Variants in TAS2R1 observed in about 807,000 individuals in gnomAD.
TAS2R1 encodes the protein taste receptor type 2 member 1.
For synonymous variants in TAS2R1, 141 were observed against 134.2 expected (o/e 1.05, Z -0.35); for missense variants, 370 against 353.4 (o/e 1.05, Z -0.38).
At chr5:9,835,835 C>T in the TAS2R1 span, among the ~76,000 whole-genome samples, 7 of 152,176 alleles carry the variant, frequency 4.6e-5, no homozygotes, top group African/African-American at 1.4e-4. Context: ...TGCCTTGATC[C>T]CAGGGTGGCT....
At chr5:9,852,919 T>A in the TAS2R1 span, among the ~76,000 whole-genome samples, 1 of 152,172 alleles carries the variant, frequency 6.6e-6, no homozygotes, top group Non-Finnish European at 1.5e-5. Context: ...GCATGACACT[T>A]CTCCCAGTAA....
the TAS2R1 span, among the ~76,000 whole-genome samples, chr5:9,751,204 T>A: frequency 6.6e-6 from 1 of 151,720 alleles, no homozygotes. Flanking sequence ...GAAATATATT[T>A]GCTTGTGTGG....
the TAS2R1 span, among the ~76,000 whole-genome samples, chr5:9,849,946 A>G: frequency 6.6e-6 from 1 of 152,090 alleles, no homozygotes; most frequent in Non-Finnish European, 1.5e-5. Context: ...ACAGCTCCCC[A>G]TGATCTATCC....
intron 1 of TAS2R1, among the ~76,000 whole-genome samples, chr5:9,665,833 A>C (rs1740623663): frequency 6.6e-6 from 1 of 152,280 alleles, no homozygotes; most frequent in Non-Finnish European, 1.5e-5. Context: ...GCAGGAGAGT[A>C]AAAGAACAGC....
At chr5:9,806,778 C>A in the TAS2R1 span, among the ~76,000 whole-genome samples, 1 of 152,010 alleles carries the variant, frequency 6.6e-6, no homozygotes, top group Non-Finnish European at 1.5e-5. Flanking sequence ...AGATCTATGA[C>A]CTGAAACCAT....
At chr5:9,636,634 G>C (rs1579762005) in intron 2 of TAS2R1, among the ~76,000 whole-genome samples, 1 of 152,082 alleles carries the variant, frequency 6.6e-6, no homozygotes, top group African/African-American at 2.4e-5. Flanking sequence ...TTAGGATTAT[G>C]ATATTTTCCT....
chr5:9,716,963 C>T (rs1175773129), upstream of TAS2R1, among the ~76,000 whole-genome samples: 1 of 152,180 alleles, frequency 6.6e-6, no homozygotes, highest in East Asian at 1.9e-4. Flanking sequence ...CAACAGAGAA[C>T]ACTGCAACCT....
At chr5:9,823,537 G>A in the TAS2R1 span, among the ~76,000 whole-genome samples, 1 of 141,636 alleles carries the variant, frequency 7.1e-6, no homozygotes, top group Non-Finnish European at 1.5e-5. Flanking sequence ...GAAGGGAAAA[G>A]GAAAGGAAAG....
At chr5:9,736,451 T>C in the TAS2R1 span, among the ~76,000 whole-genome samples, 2 of 152,232 alleles carry the variant, frequency 1.3e-5, no homozygotes, top group South Asian at 2.1e-4. Flanking sequence ...AGGCTGAGAG[T>C]AGGTGGATCA....
At chr5:9,836,156 C>T in the TAS2R1 span, among the ~76,000 whole-genome samples, 46 of 152,064 alleles carry the variant, frequency 3.0e-4, no homozygotes, top group Non-Finnish European at 5.6e-4. Flanking sequence ...TGTCTGCCAC[C>T]ATGTGAGACG....
intron 1 of TAS2R1, among the ~76,000 whole-genome samples, chr5:9,697,355 A>G (rs1215616650): frequency 1.3e-5 from 2 of 152,188 alleles, no homozygotes; most frequent in Non-Finnish European, 2.9e-5. Flanking sequence ...TTGAACCTCC[A>G]AAGAAAGAAT....
At chr5:9,875,843 G>A in the TAS2R1 span, among the ~76,000 whole-genome samples, 2 of 152,202 alleles carry the variant, frequency 1.3e-5, no homozygotes, top group Non-Finnish European at 2.9e-5. Context: ...AGACACCTTG[G>A]TGAGTCCCGG....
chr5:9,865,811 T>C, the TAS2R1 span, among the ~76,000 whole-genome samples: 1 of 152,374 alleles, frequency 6.6e-6, no homozygotes, highest in East Asian at 1.9e-4. Flanking sequence ...TTTCAACACT[T>C]CTGGCTCCTT....
the TAS2R1 span, among the ~76,000 whole-genome samples, chr5:9,874,481 T>C: frequency 6.6e-6 from 1 of 152,214 alleles, no homozygotes; most frequent in African/African-American, 2.4e-5. Flanking sequence ...CTTAGCATCT[T>C]CCCCCTCCAG....
intron 2 of TAS2R1, among the ~76,000 whole-genome samples, chr5:9,635,788 C>A (rs1739952509): frequency 6.6e-6 from 1 of 151,838 alleles, no homozygotes; most frequent in South Asian, 2.1e-4. Flanking sequence ...GTAATATTTC[C>A]TGTTTCATTT....
chr5:9,736,421 G>A, the TAS2R1 span, among the ~76,000 whole-genome samples: 2 of 152,236 alleles, frequency 1.3e-5, no homozygotes, highest in Non-Finnish European at 2.9e-5. Context: ...GACCAGAAGT[G>A]TCCAGGATTA....
intron 1 of TAS2R1, among the ~76,000 whole-genome samples, chr5:9,675,964 C>T (rs1360314375): frequency 6.6e-6 from 1 of 152,072 alleles, no homozygotes; most frequent in Non-Finnish European, 1.5e-5. Context: ...AGTTTTTCAC[C>T]ATTGAATATG....
chr5:9,660,743 G>A (rs920683750), intron 1 of TAS2R1, among the ~76,000 whole-genome samples: 2 of 152,178 alleles, frequency 1.3e-5, no homozygotes, highest in Non-Finnish European at 2.9e-5. Flanking sequence ...GATTATCTGA[G>A]TGGATCCAGT....
chr5:9,758,770 C>A, the TAS2R1 span, among the ~76,000 whole-genome samples: 1 of 152,200 alleles, frequency 6.6e-6, no homozygotes, highest in African/African-American at 2.4e-5. Flanking sequence ...CTCCCCCAGG[C>A]TTCGGCAGCC....
Sources: allele counts gnomAD v4.1 joint callset (sites outside exome capture counted in the v4.1 genomes callset), GRCh38; gene constraint gnomAD v4.1.1; transcripts MANE v1.5; gene names NCBI Gene and HGNC (gene_info 2026-07-23, HGNC 2026-07-21).